Variants in MAN2B1 observed in about 807,000 individuals in gnomAD.
The protein encoded by MAN2B1 is lysosomal alpha-mannosidase.
Under a neutral mutation model 127.5 loss-of-function variants are expected in MAN2B1, and 99 were observed. The ratio of observed to expected loss-of-function variants is 0.78; its 90% CI spans 0.66 to 0.92. The LOEUF is 0.92. MAN2B1 is among the 40% of genes least tolerant of loss of function. The pLI is 0.00. For missense variants in MAN2B1, 1,304 were observed against 1,384.8 expected, an observed-to-expected ratio of 0.94 and a Z score of 0.93; for synonymous variants, 573 against 568.8, an observed-to-expected ratio of 1.01 and a Z score of -0.11.
intron 11 of MAN2B1, 22 bp from the exon 12 acceptor site, chr19:12,657,078 C>A: frequency 6.8e-7 from 1 of 1,480,590 alleles, no homozygotes; most frequent in Non-Finnish European, 9.3e-7. Context: ...CGCAAAGGGA[C>A]CGGTGGGTTC....
chr19:12,646,760 T>G (rs1271453285), intron 23 of MAN2B1, 28 bp from the exon 24 acceptor site: 1 of 1,519,588 alleles, frequency 6.6e-7, no homozygotes, highest in East Asian at 2.3e-5. Context: ...GAAGGAGGAG[T>G]GAGGAGGTGC....
intron 10 of MAN2B1, 143 bp downstream of exon 10, chr19:12,657,920 A>T (rs1248183884): frequency 1.2e-5 from 9 of 762,744 alleles, no homozygotes; most frequent in Non-Finnish European, 1.9e-5. Context: ...GCACCACTGC[A>T]CTCCAGCCTG....
chr19:12,663,243 G>A, intron 6 of MAN2B1, 74 bp downstream of exon 6: 2 of 1,552,812 alleles, frequency 1.3e-6, no homozygotes, highest in South Asian at 2.2e-5. Context: ...AACGTGTTAG[G>A]GGATGCCTGT....
intron 4 of MAN2B1, among the ~76,000 whole-genome samples, chr19:12,664,496 C>T (rs1042254000): frequency 1.3e-5 from 2 of 152,118 alleles, no homozygotes; most frequent in African/African-American, 2.4e-5. Flanking sequence ...ACTTGCCACC[C>T]GGTTTAGGGA....
In MAN2B1 at chr19:12,663,361, C is replaced by A. The variant is rs761245440; in HGVS notation, c.865G>T (p.Ala289Ser). ...VEDPRSPEYNAKELVDYFLNV... is the reference protein window; with the variant it reads ...VEDPRSPEYNSKELVDYFLNV... ...AGGAAGTAATCGACCAGCTCCTTGG[C>A]GTTGTACTCGGGGCTGCGAGGGTCC... The change falls in exon 6 of 24, where the codon GCC (alanine) becomes TCC (serine). Residue 289 changes from alanine to serine, a missense_variant. Coordinates refer to ENST00000456935, the MANE Select transcript of MAN2B1 (RefSeq NM_000528.4). 4 of 1,613,988 alleles carry A rather than the reference C, an allele frequency of 2.5e-6. No homozygotes were observed. The Admixed American group carries it at 6.7e-5, about 27-fold the overall frequency.
At position 12,664,971 on chromosome 19, in the gene MAN2B1, C is replaced by T. The variant is rs371597285; in HGVS notation, c.451G>A (p.Ala151Thr). 1.2e-6 allele frequency: 2 copies of T among 1,613,646 alleles called. No individual in the cohort carries two copies. The highest frequency in any genetic ancestry group is 1.3e-5 in the African/African-American group (1 of 75,070). Residue 151 changes from alanine (A) to threonine (T), a missense_variant, in exon 4 of 24, where the codon GCC (alanine) becomes ACC (threonine). Transcript: ENST00000456935. ...DLVRQGRLEF[A>T]NGGWVMNDEA... ...TCGTTCATCACCCAGCCACCATTGG[C>T]GAACTCCAGGCGCCCTGTGCCAGGA...
intron 14 of MAN2B1, among the ~76,000 whole-genome samples, chr19:12,654,202 C>T (rs2023909439): frequency 6.6e-6 from 1 of 152,078 alleles, no homozygotes; most frequent in Non-Finnish European, 1.5e-5. Flanking sequence ...GCCACCACGC[C>T]TGGCTAAATT....
intron 12 of MAN2B1, 101 bp from the exon 13 acceptor site, chr19:12,656,788 C>A: frequency 9.0e-7 from 1 of 1,110,760 alleles, no homozygotes. Context: ...AGTGTGGTCA[C>A]GGCACTTAAG....
intron 7 of MAN2B1, 68 bp downstream of exon 7, chr19:12,661,192 A>T: frequency 9.4e-7 from 1 of 1,066,138 alleles, no homozygotes; most frequent in Non-Finnish European, 1.5e-6. Flanking sequence ...AGAGCTATGC[A>T]CATAACCCAA....
rs370760999 is a variant in MAN2B1 at position 12,658,250 on chromosome 19, C to G, written c.1204G>C (p.Glu402Gln). 3 of 1,613,956 alleles carry G rather than the reference C, an allele frequency of 1.9e-6. No homozygotes were observed. The highest frequency in any genetic ancestry group is 8.5e-7 in the Non-Finnish European group (1 of 1,180,032). Reference sequence around the variant, plus strand: ...TGCAGGAAGTTGTAGCTGAGGCGCTCGTAGCGTTTGAGGGCCGGCCGACTG... The same window carrying G: ...TGCAGGAAGTTGTAGCTGAGGCGCTGGTAGCGTTTGAGGGCCGGCCGACTG... ...FSSRPALKRY[E>Q]RLSYNFLQVC... is the part of the protein sequence containing the mutation. The change falls in exon 9 of 24, where the codon GAG becomes CAG. Residue 402 changes from glutamate to glutamine, a missense_variant. Glu to Gln is a conservative substitution (Grantham distance 29, BLOSUM62 2). Transcript: ENST00000456935.
intron 23 of MAN2B1, among the ~76,000 whole-genome samples, 155 bp from the exon 24 acceptor site, chr19:12,646,887 C>T (rs2023701096): frequency 1.3e-5 from 2 of 152,068 alleles, no homozygotes; most frequent in African/African-American, 4.8e-5. Context: ...TCCCCGGCCC[C>T]GAATACCACC....
chr19:12,654,346 CA>C (rs970516710), intron 14 of MAN2B1, among the ~76,000 whole-genome samples: 1 of 152,080 alleles, frequency 6.6e-6, no homozygotes, highest in Non-Finnish European at 1.5e-5. Flanking sequence ...CCGGCCCCCC[CA>C]ACCTTATTTT....
At chr19:12,654,580 G>A (rs2023915960) in intron 14 of MAN2B1, among the ~76,000 whole-genome samples, 1 of 152,182 alleles carries the variant, frequency 6.6e-6, no homozygotes, top group Non-Finnish European at 1.5e-5. Flanking sequence ...ACTTTTAGGG[G>A]CCTGTGGGAA....
rs781127503 is a variant in MAN2B1, at chr19:12,663,462, C to G, written c.764G>C (p.Gly255Ala). 6.2e-7 allele frequency: 1 copy of G among 1,613,884 alleles called. No homozygotes were observed. Among genetic ancestry groups the G allele is most frequent in the Non-Finnish European group, 8.5e-7 (1 of 1,179,978 alleles). Residue 255 changes from glycine to alanine, a missense_variant and splice_region_variant, in exon 6 of 24, where the codon GGT becomes GCT. By Grantham distance (60) the Gly-to-Ala change is moderately conservative. Transcript: ENST00000456935. ...CGGGTTGTAACCATTGGGAAGCACACCTGCAGGTCACACCAAGTTCAAGGG... is the reference window on the plus strand; with the variant it reads ...CGGGTTGTAACCATTGGGAAGCACAGCTGCAGGTCACACCAAGTTCAAGGG... ...LKPPTADLFT[G>A]VLPNGYNPPR...
At position 12,663,325 on chromosome 19, in the gene MAN2B1, T is replaced by C. The variant is rs757302890; in HGVS notation, c.901A>G (p.Thr301Ala). ...ELVDYFLNVA[T>A]AQGRYYRTNH... is the part of the protein sequence containing the mutation. ...CTGGACACCAGGGTTACCTGGGCAGTGGCCACATTTAGGAAGTAATCGACC... is the reference window on the plus strand; with the variant it reads ...CTGGACACCAGGGTTACCTGGGCAGCGGCCACATTTAGGAAGTAATCGACC... Residue 301 changes from threonine to alanine, a missense_variant, in exon 6 of 24, where the codon ACT becomes GCT. Physicochemically the swap from Thr to Ala is moderately conservative, Grantham distance 58 (BLOSUM62 0). Transcript: ENST00000456935. The C allele has an allele frequency of 3.7e-6, 6 of 1,614,180 alleles. No individual in the cohort carries two copies. The Admixed American group carries it at 1.0e-4, about 27-fold the overall frequency.
intron 12 of MAN2B1, 29 bp downstream of exon 12, chr19:12,656,920 C>T (rs373697852): frequency 1.3e-6 from 2 of 1,572,112 alleles, no homozygotes; most frequent in Non-Finnish European, 1.7e-6. Flanking sequence ...CCCATCTGCC[C>T]TAGATCCACC....
Position 12,663,514 on chromosome 19 carries a change from GT to G in MAN2B1, c.764-53del, listed in dbSNP as rs757533936. ...TGGCCCATCACCCAGACCTTCCCTGGTTTCAAAGCCGGCCATGTCCCACCCA... is the reference window on the plus strand; with the variant it reads ...TGGCCCATCACCCAGACCTTCCCTGGTTCAAAGCCGGCCATGTCCCACCCA... On this transcript the variant is annotated intron_variant, in intron 5 of 23. Coordinates refer to ENST00000456935, the MANE Select transcript of MAN2B1 (RefSeq NM_000528.4). 503 of 1,606,206 alleles carry G rather than the reference GT, an allele frequency of 3.1e-4. 1 individual carries two copies. The highest frequency in any genetic ancestry group is 3.0e-4 in the Non-Finnish European group (350 of 1,176,200).
In MAN2B1 at chr19:12,652,121, CA is replaced by C. The variant is rs766213027; in HGVS notation, c.2046+31del. ...TTGGGCTCCATAACTTCCCCATTCC[CA>C]ACTGCCCACTCATCATTCCTAGTCC... On this transcript the variant is annotated intron_variant, in intron 16 of 23. Transcript: ENST00000456935. 3 of 1,551,428 alleles carry C rather than the reference CA, an allele frequency of 1.9e-6. No individual in the cohort carries two copies. The South Asian group carries it at 3.3e-5, about 17-fold the overall frequency.
chr19:12,649,277 G>T, intron 19 of MAN2B1, 61 bp from the exon 20 acceptor site: 1 of 1,600,816 alleles, frequency 6.2e-7, no homozygotes, highest in South Asian at 1.1e-5. Flanking sequence ...GCTTTGAGAT[G>T]CTGCAGATAA....
Sources: gnomAD v4.1 joint callset for allele counts (sites outside exome capture counted in the v4.1 genomes callset) on GRCh38, gnomAD v4.1.1 for gene constraint, MANE v1.5 for transcripts, NCBI Gene and HGNC (gene_info 2026-07-23, HGNC 2026-07-21) for gene names.